ELOC: variants seen among roughly 807,000 people sequenced by gnomAD.
The protein encoded by ELOC is elongin-C.
For missense variants in ELOC, 38 were observed against 139.0 expected, an observed-to-expected ratio of 0.27 and a Z score of 3.65; for synonymous variants, 40 against 51.3, an observed-to-expected ratio of 0.78 and a Z score of 0.94.
intron 1 of ELOC, among the ~76,000 whole-genome samples, chr8:73,960,327 C>T (rs778124708): frequency 1.3e-5 from 2 of 152,228 alleles, no homozygotes; most frequent in African/African-American, 4.8e-5. Context: ...TTTTGATCCT[C>T]GTTTTGAGAG....
At chr8:73,947,595 A>G (rs1276786597) in intron 3 of ELOC, among the ~76,000 whole-genome samples, 2 of 151,756 alleles carry the variant, frequency 1.3e-5, no homozygotes, top group Non-Finnish European at 2.9e-5. Flanking sequence ...TTTTTTTGAC[A>G]TAGAGTCTTG....
chr8:73,949,256 A>T (rs1016598885), intron 3 of ELOC, among the ~76,000 whole-genome samples: 34 of 152,262 alleles, frequency 2.2e-4, no homozygotes, highest in African/African-American at 8.0e-4. Flanking sequence ...TGCGGGACTC[A>T]GCAAATAATT....
At chr8:73,971,114 A>G (rs1431964926) in intron 1 of ELOC, among the ~76,000 whole-genome samples, 2 of 150,398 alleles carry the variant, frequency 1.3e-5, no homozygotes, top group East Asian at 2.0e-4. Flanking sequence ...AAGACACTAA[A>G]GAATTTCAAG....
chr8:73,955,884 T>A, intron 3 of ELOC, 27 bp downstream of exon 3: 1 of 1,573,334 alleles, frequency 6.4e-7, no homozygotes, highest in Non-Finnish European at 8.6e-7. Flanking sequence ...AGTGAATATA[T>A]GAAGAAAAAG....
At chr8:73,956,439 T>C (rs1236446390) in intron 2 of ELOC, among the ~76,000 whole-genome samples, 1 of 152,196 alleles carries the variant, frequency 6.6e-6, no homozygotes, top group Non-Finnish European at 1.5e-5. Context: ...GGTTAATATT[T>C]GAAGAACTCA....
At chr8:73,951,080 G>C (rs1167969499) in intron 3 of ELOC, among the ~76,000 whole-genome samples, 1 of 152,138 alleles carries the variant, frequency 6.6e-6, no homozygotes, top group African/African-American at 2.4e-5. Flanking sequence ...AGAACAGCCT[G>C]ACCAACACAG....
chr8:73,952,543 G>A (rs1328292626), intron 3 of ELOC, among the ~76,000 whole-genome samples: 1 of 150,532 alleles, frequency 6.6e-6, no homozygotes, highest in African/African-American at 2.4e-5. Context: ...CACTTTGGGA[G>A]GCTGAGATGG....
intron 3 of ELOC, among the ~76,000 whole-genome samples, chr8:73,949,114 T>C (rs1813579813): frequency 6.6e-6 from 1 of 152,228 alleles, no homozygotes; most frequent in Non-Finnish European, 1.5e-5. Flanking sequence ...CACTGTATGC[T>C]GAATATAAAA....
In ELOC at chr8:73,945,161, A is replaced by C. The variant is rs1230976041; in HGVS notation, c.*1469T>G. 2.5e-5 allele frequency: 3 copies of C among 121,108 alleles called. No homozygotes were observed. The highest frequency in any genetic ancestry group is 4.8e-5 in the Non-Finnish European group (3 of 62,756). 7.5% of individuals were successfully genotyped at this position (121,108 alleles called of 1,614,324 possible). On this transcript the variant is annotated 3_prime_UTR_variant, in exon 4 of 4. Coordinates refer to ENST00000520242, the MANE Select transcript of ELOC (RefSeq NM_005648.4). ...TTGAGACAGTCTCGCTCTGTCACCCAGGCTGGAGTGCAGTGGTGCGATCTC... is the reference window on the plus strand; with the variant it reads ...TTGAGACAGTCTCGCTCTGTCACCCCGGCTGGAGTGCAGTGGTGCGATCTC...
intron 3 of ELOC, among the ~76,000 whole-genome samples, chr8:73,953,685 AAAC>A: frequency 1.3e-5 from 2 of 152,218 alleles, no homozygotes; most frequent in Middle Eastern, 6.8e-3. Flanking sequence ...AAAAAACAAA[AAAC>A]AATAACAAAT....
At chr8:73,968,518 T>A (rs575797399) in intron 1 of ELOC, among the ~76,000 whole-genome samples, 1 of 152,254 alleles carries the variant, frequency 6.6e-6, no homozygotes, top group Non-Finnish European at 1.5e-5. Flanking sequence ...GTATTAATCA[T>A]AGATTCTACA....
chr8:73,967,464 TTTTC>T (rs1007091829), intron 1 of ELOC, among the ~76,000 whole-genome samples: 4 of 136,938 alleles, frequency 2.9e-5, no homozygotes, highest in African/African-American at 1.0e-4. Context: ...TATAATTTTC[TTTTC>T]TTTTTTTTTT....
intron 3 of ELOC, 124 bp from the exon 4 acceptor site, chr8:73,946,944 T>C: frequency 1.4e-6 from 1 of 740,066 alleles, no homozygotes; most frequent in African/African-American, 1.8e-5. Context: ...TTTAAAGAGG[T>C]AATTAAAAGA....
chr8:73,946,557 T>C lies in ELOC; in HGVS notation c.*73A>G, dbSNP rs1252536610. 5 of 1,229,600 alleles carry C rather than the reference T, an allele frequency of 4.1e-6. No individual in the cohort carries two copies. Among genetic ancestry groups the C allele is most frequent in the Non-Finnish European group, 5.6e-6 (5 of 899,210 alleles). The allele number at this position is 1,229,600 out of a possible 1,614,324, so 76.2% of individuals were successfully genotyped here. A position where few individuals can be genotyped will look rare whatever the true frequency, so the allele number is the denominator to read the frequency against. The stretch of plus-strand genomic sequence containing the variant: ...CTGCATACAGGCAACATGCTATATA[T>C]GAAAAAGTTACTAACTGAACTACAG... On this transcript the variant is annotated 3_prime_UTR_variant, in exon 4 of 4. Transcript: ENST00000520242.
chr8:73,947,125 A>T (rs1813428055), intron 3 of ELOC, among the ~76,000 whole-genome samples: 1 of 152,056 alleles, frequency 6.6e-6, no homozygotes, highest in African/African-American at 2.4e-5. Flanking sequence ...AGTAGCTGGG[A>T]TTACAGGTGT....
chr8:73,947,168 T>C (rs1006962397), intron 3 of ELOC, among the ~76,000 whole-genome samples: 1 of 152,080 alleles, frequency 6.6e-6, no homozygotes, highest in Non-Finnish European at 1.5e-5. Context: ...TTTGTATTTT[T>C]AGTAGAGACG....
intron 2 of ELOC, among the ~76,000 whole-genome samples, chr8:73,959,290 C>T (rs767036971): frequency 6.6e-6 from 1 of 152,134 alleles, no homozygotes; most frequent in Non-Finnish European, 1.5e-5. Context: ...ATTTCTGCCT[C>T]GAACTCCTGG....
chr8:73,949,303 A>G (rs939742411), intron 3 of ELOC, among the ~76,000 whole-genome samples: 1 of 152,238 alleles, frequency 6.6e-6, no homozygotes, highest in African/African-American at 2.4e-5. Flanking sequence ...GCCAATAACT[A>G]GAACTCCTTT....
intron 1 of ELOC, among the ~76,000 whole-genome samples, chr8:73,962,195 C>G (rs918299566): frequency 6.6e-5 from 10 of 152,142 alleles, no homozygotes; most frequent in Admixed American, 5.9e-4. Context: ...TGTGCCTGGC[C>G]TATCTTATTT....
Sources: gnomAD v4.1 joint callset for allele counts (sites outside exome capture counted in the v4.1 genomes callset) on GRCh38, gnomAD v4.1.1 for gene constraint, MANE v1.5 for transcripts, NCBI Gene and HGNC (gene_info 2026-07-23, HGNC 2026-07-21) for gene names.